TOPORS: variants seen among roughly 807,000 people sequenced by gnomAD.
The protein encoded by TOPORS is TOP1 binding arginine/serine rich protein, E3 ubiquitin ligase, also known as E3 ubiquitin-protein ligase Topors.
In TOPORS, 25 loss-of-function variants were observed where a neutral mutation model predicts 81.4. The observed-to-expected ratio is 0.31, with a 90% CI of 0.22 to 0.43. The LOEUF (loss-of-function observed/expected upper bound fraction) is 0.43, where lower values mean the gene tolerates loss of function less well. TOPORS is among the 20% of genes least tolerant of loss of function. The pLI is 1.00. For synonymous variants in TOPORS, 473 were observed against 456.6 expected (o/e 1.04, Z -0.46); for missense variants, 1,101 against 1,267.0 (o/e 0.87, Z 1.99).
intron 2 of TOPORS, among the ~76,000 whole-genome samples, chr9:32,548,597 A>AG (rs1349523717): frequency 2.6e-5 from 4 of 152,156 alleles, no homozygotes; most frequent in African/African-American, 9.7e-5. Flanking sequence ...TAAGTAGCAA[A>AG]GGTAGACCCG....
intron 1 of TOPORS, chr9:32,551,644 C>A: frequency 3.7e-6 from 1 of 270,030 alleles, no homozygotes; most frequent in Non-Finnish European, 8.0e-6. Context: ...CCAGATTCTA[C>A]TCCTCAGGCC....
At position 32,550,810 on chromosome 9, in the gene TOPORS, C is replaced by T; in HGVS notation, c.162G>A (p.Ala54=). ...CCGGCGCAGGCCTGGCTGGGGCGCT[C>T]GCCGCGAGCTCCCGGCAGCCCAGAA... ...PSFLGCRELA[A]SAPARPAPAS... Residue 54 remains alanine (A), a synonymous_variant, in exon 2 of 3, where the codon GCG becomes GCA. Transcript: ENST00000360538. The T allele has an allele frequency of 6.2e-7, 1 of 1,612,518 alleles. No homozygotes were observed. The highest frequency in any genetic ancestry group is 8.5e-7 in the Non-Finnish European group (1 of 1,179,666).
intron 1 of TOPORS, chr9:32,552,122 G>C (rs1225593035): frequency 1.8e-6 from 1 of 560,834 alleles, no homozygotes; most frequent in African/African-American, 2.0e-5. Flanking sequence ...CATTAATATT[G>C]CATTGCAACT....
In TOPORS at chr9:32,552,562, A is replaced by G. The variant is rs562453649; in HGVS notation, c.-126T>C. 5.6e-6 allele frequency: 7 copies of G among 1,249,804 alleles called. No homozygotes were observed. In the East Asian group the frequency reaches 1.5e-4, roughly 27 times the overall value. The allele number at this position is 1,249,804 out of a possible 1,614,324, so 77.4% of individuals were successfully genotyped here. On this transcript the variant is annotated 5_prime_UTR_variant, in exon 1 of 3. Transcript: ENST00000360538. Reference sequence around the variant, plus strand: ...AAGGCCCTATTTCTTCAGCACCCAGAAACTCCAAAATCCATTCCTGAATTA... The same window carrying G: ...AAGGCCCTATTTCTTCAGCACCCAGGAACTCCAAAATCCATTCCTGAATTA...
chr9:32,543,970 T>C lies in TOPORS; in HGVS notation c.555A>G (p.Thr185=). 6.2e-7 allele frequency: 1 copy of C among 1,614,148 alleles called. No homozygotes were observed. Among genetic ancestry groups the C allele is most frequent in the Non-Finnish European group, 8.5e-7 (1 of 1,180,024 alleles). The change falls in exon 3 of 3, where the codon ACA becomes ACG. Residue 185 remains threonine, a synonymous_variant. Coordinates refer to ENST00000360538, the MANE Select transcript of TOPORS (RefSeq NM_005802.5). This position sits in a 1 kb window ranked among gnomAD's most constrained non-coding sequence, Gnocchi z 5.6. ...AATACACAGAAGCATTTCGTTCCCTTGTCAGAGTTGTACGGTAGCGAAATC... is the reference window on the plus strand; with the variant it reads ...AATACACAGAAGCATTTCGTTCCCTCGTCAGAGTTGTACGGTAGCGAAATC... ...DRRFRYRTTL[T]RERNASVYSP... is the part of the protein sequence containing the mutation.
At position 32,544,063 on chromosome 9, in the gene TOPORS, T is replaced by C. The variant is rs1392721991; in HGVS notation, c.462A>G (p.Ala154=). The part of the protein sequence containing the change: ...PFDSIFHSVR[A]EDDFKEYVLR... ...GGACATACTCCTTGAAGTCATCTTC[T>C]GCCCTCACAGAATGGAAAATAGAAT... is the stretch of plus-strand genomic sequence containing the variant. The change falls in exon 3 of 3, where the codon GCA becomes GCG. Residue 154 remains alanine (A), a synonymous_variant. Transcript: ENST00000360538. 6.2e-7 allele frequency: 1 copy of C among 1,614,100 alleles called. No individual in the cohort carries two copies. The highest frequency in any genetic ancestry group is 8.5e-7 in the Non-Finnish European group (1 of 1,180,040).
intron 2 of TOPORS, among the ~76,000 whole-genome samples, chr9:32,548,097 G>A (rs1821166042): frequency 6.9e-6 from 1 of 145,102 alleles, no homozygotes; most frequent in Non-Finnish European, 1.5e-5. Context: ...AGATCCGCCC[G>A]TCTCGGCCTC....
chr9:32,551,058 A>C, intron 1 of TOPORS, 90 bp from the exon 2 acceptor site: 73 of 1,379,898 alleles, frequency 5.3e-5, no homozygotes, highest in Non-Finnish European at 7.0e-5. Context: ...TCAAAACACA[A>C]CACCCGCCTT....
rs1318573953 is a variant in TOPORS, at chr9:32,546,907, G to A, written c.199-2581C>T. On this transcript the variant is annotated intron_variant, in intron 2 of 2. Transcript: ENST00000360538. Reference sequence around the variant, plus strand: ...GAATAATCTTAGCCGGGCATGATGGGCACACCTGTAGTCCCAGCTACTCAG... The same window carrying A: ...GAATAATCTTAGCCGGGCATGATGGACACACCTGTAGTCCCAGCTACTCAG... 3.9e-5 allele frequency among the ~76,000 whole-genome samples: 6 copies of A among 152,296 alleles called. No homozygotes were observed. The South Asian group carries it at 1.2e-3, about 32-fold the overall frequency.
In TOPORS at chr9:32,541,847, T is replaced by C. The variant is rs764816978; in HGVS notation, c.2678A>G (p.His893Arg). The change falls in exon 3 of 3, where the codon CAT becomes CGT. Residue 893 changes from histidine to arginine, a missense_variant. His to Arg is a conservative substitution (Grantham distance 29). This residue lies in a region of TOPORS where 605 missense variants were observed against 636.1 expected (regional missense o/e 0.95). Transcript: ENST00000360538. ...AGCATTATCTCCATGGTGTTTCTTA[T>C]GCTTCTTCTTATGTTTCTTCTTTTT... ...KKKKKKHKKK[H>R]KKHHGDNASR... 2 of 1,614,088 alleles carry C rather than the reference T, an allele frequency of 1.2e-6. No individual in the cohort carries two copies. Among genetic ancestry groups the C allele is most frequent in the Admixed American group, 1.7e-5 (1 of 60,010 alleles).
chr9:32,552,140 A>C, intron 1 of TOPORS: 1 of 580,714 alleles, frequency 1.7e-6, no homozygotes, highest in Non-Finnish European at 3.1e-6. Context: ...ACTAGAAAGA[A>C]AACCAGTGGA....
intron 2 of TOPORS, among the ~76,000 whole-genome samples, chr9:32,548,881 T>A (rs1038997199): frequency 1.3e-5 from 2 of 152,118 alleles, no homozygotes; most frequent in Admixed American, 6.5e-5. Flanking sequence ...GACACACGTC[T>A]AGGGAAAATG....
At position 32,542,966 on chromosome 9, in the gene TOPORS, T is replaced by C; in HGVS notation, c.1559A>G (p.Gln520Arg). The C allele has an allele frequency of 1.2e-6, 2 of 1,614,194 alleles. No homozygotes were observed. The highest frequency in any genetic ancestry group is 1.7e-6 in the Non-Finnish European group (2 of 1,180,028). Reference sequence around the variant, plus strand: ...ATCGCTATCACCAGAACTGTAAGATTGCTCCTGTTCTTGTGTCTTCACTGT... The same window carrying C: ...ATCGCTATCACCAGAACTGTAAGATCGCTCCTGTTCTTGTGTCTTCACTGT... ...METVKTQEQE[Q>R]SYSSGDSDVS... The change falls in exon 3 of 3, where the codon CAA becomes CGA. Residue 520 changes from glutamine to arginine, a missense_variant. Gln to Arg is a conservative substitution (Grantham distance 43, BLOSUM62 1). Transcript: ENST00000360538.
chr9:32,542,647 A>G lies in TOPORS; in HGVS notation c.1878T>C (p.Ser626=). The G allele has an allele frequency of 6.2e-7, 1 of 1,613,868 alleles. No homozygotes were observed. The highest frequency in any genetic ancestry group is 8.5e-7 in the Non-Finnish European group (1 of 1,179,950). Reference sequence around the variant, plus strand: ...TACTTTCCCTGCTTCTGGATCGTTTACTTTTCATTCTTTTCTTCCCATGAT... The same window carrying G: ...TACTTTCCCTGCTTCTGGATCGTTTGCTTTTCATTCTTTTCTTCCCATGAT... ...RKHHGKKRMK[S]KRSRSRESSR... Residue 626 remains serine, a synonymous_variant, in exon 3 of 3, where the codon AGT becomes AGC. Coordinates refer to ENST00000360538, the MANE Select transcript of TOPORS (RefSeq NM_005802.5).
chr9:32,551,533 T>C, intron 1 of TOPORS: 1 of 250,398 alleles, frequency 4.0e-6, no homozygotes, highest in Non-Finnish European at 8.4e-6. Context: ...AGACCACGTT[T>C]TTCTCCGCTC....
chr9:32,551,209 A>T (rs558781863), intron 1 of TOPORS: 2 of 602,320 alleles, frequency 3.3e-6, no homozygotes, highest in Admixed American at 5.8e-5. Flanking sequence ...GTACTCAGCC[A>T]CTGGGGACAC....
In TOPORS at chr9:32,543,866, G is replaced by A; in HGVS notation, c.659C>T (p.Thr220Ile). Residue 220 changes from threonine to isoleucine, a missense_variant, in exon 3 of 3, where the codon ACA (threonine) becomes ATA (isoleucine). Transcript: ENST00000360538. The surrounding 1 kb of genome is among the most constrained non-coding windows in gnomAD (Gnocchi z 5.6). ...GVLFEGLGIS[T>I]RPRDVEIPQF... is the part of the protein sequence containing the mutation. ...AGGAATTTCAACATCTCTAGGTCTT[G>A]TTGAAATGCCTAACCCTTCAAACAG... 6.2e-7 allele frequency: 1 copy of A among 1,614,158 alleles called. No homozygotes were observed. The highest frequency in any genetic ancestry group is 8.5e-7 in the Non-Finnish European group (1 of 1,180,020).
At position 32,551,095 on chromosome 9, in the gene TOPORS, C is replaced by A. The variant is rs1238671108; in HGVS notation, c.4-127G>T. On this transcript the variant is annotated intron_variant, in intron 1 of 2. Transcript: ENST00000360538. The stretch of plus-strand genomic sequence containing the variant: ...CTCACGCATGCGCAGCAGATGGACG[C>A]CGGCCTCGGGGGCGGGGCTCAGCGC... 2.5e-6 allele frequency: 3 copies of A among 1,201,134 alleles called. No individual in the cohort carries two copies. The Admixed American group carries it at 6.0e-5, about 24-fold the overall frequency. The allele number at this position is 1,201,134 out of a possible 1,614,324, so 74.4% of individuals were successfully genotyped here. A position where few individuals can be genotyped will look rare whatever the true frequency, so the allele number is the denominator to read the frequency against.
At position 32,542,870 on chromosome 9, in the gene TOPORS, G is replaced by C; in HGVS notation, c.1655C>G (p.Ser552Cys). 5.0e-6 allele frequency: 8 copies of C among 1,614,076 alleles called. No homozygotes were observed. The highest frequency in any genetic ancestry group is 5.1e-6 in the Non-Finnish European group (6 of 1,180,014). ...DEQINKGHCD[S>C]STRIKSKKEE... The stretch of plus-strand genomic sequence containing the variant: ...CTTCTTTGATTTGATTCTTGTACTA[G>C]AATCACAATGACCTTTATTTATTTG... The change falls in exon 3 of 3, where the codon TCT (serine) becomes TGT (cysteine). Residue 552 changes from serine to cysteine, a missense_variant. Around this residue, in one of 9 missense-constraint regions of TOPORS, gnomAD observed 605 missense variants for 636.1 expected, o/e 0.95. Coordinates refer to ENST00000360538, the MANE Select transcript of TOPORS (RefSeq NM_005802.5).
Sources: allele counts gnomAD v4.1 joint callset (sites outside exome capture counted in the v4.1 genomes callset), GRCh38; gene constraint gnomAD v4.1.1; regional missense constraint gnomAD v4.1.1; non-coding constraint Gnocchi (gnomAD v3.1); transcripts MANE v1.5; gene names NCBI Gene and HGNC (gene_info 2026-07-23, HGNC 2026-07-21).